ALPK1: variants seen among roughly 807,000 people sequenced by gnomAD.
ALPK1 encodes alpha-protein kinase 1.
A neutral mutation model predicts 120.6 loss-of-function variants in ALPK1; 110 were observed. That is an observed-to-expected ratio of 0.91 (90% CI 0.78 to 1.07). ALPK1 has a LOEUF of 1.07. ALPK1 is among the 50% of genes least tolerant of loss of function. ALPK1 has a pLI of 0.00. For missense variants in ALPK1, 1,498 were observed against 1,483.9 expected (o/e 1.01, Z -0.16); for synonymous variants, 582 against 560.3 (o/e 1.04, Z -0.55).
chr4:112,317,907 G>A (rs1728706636), intron 2 of ALPK1, among the ~76,000 whole-genome samples: 1 of 152,058 alleles, frequency 6.6e-6, no homozygotes, highest in East Asian at 1.9e-4. Flanking sequence ...ATACTTTACA[G>A]TGACTACATA....
intron 6 of ALPK1, among the ~76,000 whole-genome samples, chr4:112,424,527 C>T (rs73841013): frequency 6.6e-6 from 1 of 152,140 alleles, no homozygotes; most frequent in African/African-American, 2.4e-5. Context: ...TAACAAATAA[C>T]TTAAGGCTTC....
chr4:112,425,710 C>T lies in ALPK1; in HGVS notation c.581C>T (p.Ser194Leu), dbSNP rs775130609. 1.1e-5 allele frequency: 18 copies of T among 1,612,910 alleles called. No homozygotes were observed. Among genetic ancestry groups the T allele is most frequent in the East Asian group, 1.1e-4 (5 of 44,860 alleles). ...RNESDKVLVQ[S>L]VCIQIRGQIL... ...GAAAGTGACAAGGTCCTGGTGCAGT[C>T]GGTCTGTATACAGATCAGAGGGCAG... is the stretch of plus-strand genomic sequence containing the variant. Residue 194 changes from serine (S) to leucine (L), a missense_variant, in exon 7 of 16, where the codon TCG (serine) becomes TTG (leucine). Ser to Leu is a moderately radical substitution (Grantham distance 145). Coordinates refer to ENST00000650871, the MANE Select transcript of ALPK1 (RefSeq NM_025144.4).
At position 112,432,144 on chromosome 4, in the gene ALPK1, C is replaced by T. The variant is rs538233659; in HGVS notation, c.2597C>T (p.Thr866Ile). 3.1e-6 allele frequency: 5 copies of T among 1,614,210 alleles called. No homozygotes were observed. Among genetic ancestry groups the T allele is most frequent in the African/African-American group, 1.3e-5 (1 of 75,058 alleles). Residue 866 changes from threonine to isoleucine, a missense_variant, in exon 11 of 16, where the codon ACA becomes ATA. Physicochemically the swap from Thr to Ile is moderately conservative, Grantham distance 89 (BLOSUM62 -1). Transcript: ENST00000650871. ...CTCGACAGCATGGATGTTCCCTGCA[C>T]AAATGGGCACGGCTCTCATAGACTG... is the stretch of plus-strand genomic sequence containing the variant. Reference protein sequence around the residue: ...QLLDSMDVPCTNGHGSHRLCI... With the variant: ...QLLDSMDVPCINGHGSHRLCI...
chr4:112,362,777 A>G (rs763108612), intron 2 of ALPK1, among the ~76,000 whole-genome samples: 3 of 152,246 alleles, frequency 2.0e-5, no homozygotes, highest in Admixed American at 1.3e-4. Flanking sequence ...ACCTAGGCAC[A>G]TAGTCATCAG....
At chr4:112,332,761 C>G (rs1280510200) in intron 2 of ALPK1, among the ~76,000 whole-genome samples, 2 of 152,176 alleles carry the variant, frequency 1.3e-5, no homozygotes, top group African/African-American at 4.8e-5. Flanking sequence ...ATCACCCAAC[C>G]CTCTTAAGCT....
At chr4:112,358,875 G>T in intron 2 of ALPK1, 1 of 776,808 alleles carries the variant, frequency 1.3e-6, no homozygotes. Context: ...TGACTTTGCT[G>T]CCCTGGCGAC....
intron 4 of ALPK1, among the ~76,000 whole-genome samples, chr4:112,409,335 G>A (rs768332314): frequency 9.2e-5 from 14 of 152,102 alleles, no homozygotes; most frequent in Non-Finnish European, 1.9e-4. Context: ...TAGAAAGGCA[G>A]TTATTCATGT....
intron 2 of ALPK1, among the ~76,000 whole-genome samples, chr4:112,333,259 C>A (rs1288962895): frequency 6.6e-6 from 1 of 152,206 alleles, no homozygotes; most frequent in African/African-American, 2.4e-5. Context: ...CCTCTCAATT[C>A]TAAAGAGTAT....
Position 112,425,714 on chromosome 4 carries a change from C to A in ALPK1, c.585C>A (p.Val195=). 1.9e-6 allele frequency: 3 copies of A among 1,613,148 alleles called. No individual in the cohort carries two copies. The South Asian group carries it at 3.3e-5, about 18-fold the overall frequency. ...NESDKVLVQS[V]CIQIRGQILQ... Reference sequence around the variant, plus strand: ...GTGACAAGGTCCTGGTGCAGTCGGTCTGTATACAGATCAGAGGGCAGATTC... The same window carrying A: ...GTGACAAGGTCCTGGTGCAGTCGGTATGTATACAGATCAGAGGGCAGATTC... Residue 195 remains valine, a synonymous_variant, in exon 7 of 16, where the codon GTC becomes GTA. Transcript: ENST00000650871.
chr4:112,311,045 T>A (rs1466633273), intron 1 of ALPK1, among the ~76,000 whole-genome samples: 2 of 152,154 alleles, frequency 1.3e-5, no homozygotes, highest in African/African-American at 4.8e-5. Context: ...ACGTAGCTGG[T>A]TTGTGATGGA....
At chr4:112,433,303 G>A (rs1322312035) in intron 11 of ALPK1, among the ~76,000 whole-genome samples, 6 of 152,154 alleles carry the variant, frequency 3.9e-5, no homozygotes, top group Non-Finnish European at 5.9e-5. Context: ...CATTGACAGC[G>A]CCTTTTCTCT....
intron 2 of ALPK1, among the ~76,000 whole-genome samples, chr4:112,319,375 A>G (rs1285985982): frequency 1.3e-5 from 2 of 152,204 alleles, no homozygotes; most frequent in Non-Finnish European, 2.9e-5. Flanking sequence ...GCTCTTTTGC[A>G]TTAACAGTAT....
chr4:112,369,597 G>A (rs113825919), intron 2 of ALPK1, among the ~76,000 whole-genome samples: 18,632 of 152,106 alleles, frequency 0.12, 1,404 homozygotes, highest in African/African-American at 0.21. Flanking sequence ...CACAAGAATC[G>A]CTTGAACCCA....
At chr4:112,380,578 A>G (rs2148728139) in intron 3 of ALPK1, among the ~76,000 whole-genome samples, 1 of 152,240 alleles carries the variant, frequency 6.6e-6, no homozygotes, top group African/African-American at 2.4e-5. Context: ...GGCTCATAAA[A>G]AGGGATCACA....
chr4:112,382,401 T>C lies in ALPK1; in HGVS notation c.125T>C (p.Leu42Ser), dbSNP rs1731961403. 1 of 1,613,390 alleles carries C rather than the reference T, an allele frequency of 6.2e-7. No individual in the cohort carries two copies. The highest frequency in any genetic ancestry group is 8.5e-7 in the Non-Finnish European group (1 of 1,179,716). Residue 42 changes from leucine (L) to serine (S), a missense_variant, in exon 4 of 16, where the codon TTA becomes TCA. Physicochemically the swap from Leu to Ser is moderately radical, Grantham distance 145. Transcript: ENST00000650871. ...DKSEDQRCRA[L>S]LPSELRTLIQ... Reference sequence around the variant, plus strand: ...ACCTGAACTCTGACCTTTTCAGCTTTACTCCCCAGCGAGTTAAGGACCCTG... The same window carrying C: ...ACCTGAACTCTGACCTTTTCAGCTTCACTCCCCAGCGAGTTAAGGACCCTG...
At position 112,432,380 on chromosome 4, in the gene ALPK1, G is replaced by T; in HGVS notation, c.2833G>T (p.Asp945Tyr). 6.2e-7 allele frequency: 1 copy of T among 1,614,182 alleles called. No individual in the cohort carries two copies. Among genetic ancestry groups the T allele is most frequent in the East Asian group, 2.2e-5 (1 of 44,876 alleles). Residue 945 changes from aspartate (D) to tyrosine (Y), a missense_variant, in exon 11 of 16, where the codon GAC becomes TAC. Physicochemically the swap from Asp to Tyr is radical, Grantham distance 160. Coordinates refer to ENST00000650871, the MANE Select transcript of ALPK1 (RefSeq NM_025144.4). Reference protein sequence around the residue: ...PAFSSGSSEGDSPWSYLNSSG... With the variant: ...PAFSSGSSEGYSPWSYLNSSG... Reference sequence around the variant, plus strand: ...ATTTTCCAGTGGTTCTTCTGAGGGGGACAGCCCTTGGTCCTATCTGAATTC... The same window carrying T: ...ATTTTCCAGTGGTTCTTCTGAGGGGTACAGCCCTTGGTCCTATCTGAATTC...
intron 4 of ALPK1, among the ~76,000 whole-genome samples, chr4:112,401,383 A>G (rs1424457615): frequency 2.0e-5 from 3 of 152,208 alleles, no homozygotes; most frequent in Non-Finnish European, 2.9e-5. Flanking sequence ...TGTGCTATAG[A>G]AGAAGGAAAC....
chr4:112,381,117 G>A (rs368632373), intron 3 of ALPK1, among the ~76,000 whole-genome samples: 2 of 152,192 alleles, frequency 1.3e-5, no homozygotes, highest in Non-Finnish European at 2.9e-5. Flanking sequence ...TTAGAAAAAC[G>A]AGGCTTGACA....
At chr4:112,386,794 G>A (rs1299853848) in intron 4 of ALPK1, among the ~76,000 whole-genome samples, 5 of 152,082 alleles carry the variant, frequency 3.3e-5, no homozygotes, top group Non-Finnish European at 7.3e-5. Flanking sequence ...ATTGTATATC[G>A]CCTGACACTT....
Sources: gnomAD v4.1 joint callset for allele counts (sites outside exome capture counted in the v4.1 genomes callset) on GRCh38, gnomAD v4.1.1 for gene constraint, MANE v1.5 for transcripts, NCBI Gene and HGNC (gene_info 2026-07-23, HGNC 2026-07-21) for gene names.